QTRT2: variants seen among roughly 807,000 people sequenced by gnomAD.
QTRT2 encodes queuine tRNA-ribosyltransferase accessory subunit 2.
In QTRT2, 32 loss-of-function variants were observed where a neutral mutation model predicts 44.8. The observed-to-expected ratio is 0.71, with a 90% CI of 0.54 to 0.96. The LOEUF (loss-of-function observed/expected upper bound fraction) is 0.96, where lower values mean the gene tolerates loss of function less well. QTRT2 is among the 40% of genes least tolerant of loss of function. The pLI is 0.00. For synonymous variants in QTRT2, 182 were observed against 187.4 expected, an observed-to-expected ratio of 0.97 and a Z score of 0.24; for missense variants, 461 against 503.1, an observed-to-expected ratio of 0.92 and a Z score of 0.80.
intron 9 of QTRT2, chr3:114,083,037 T>G (rs2077187319): frequency 2.1e-6 from 1 of 469,442 alleles, no homozygotes; most frequent in African/African-American, 2.0e-5. Flanking sequence ...GACAGAAAGA[T>G]TAAACCAAAT....
chr3:114,084,211 C>T (rs1190836428), intron 9 of QTRT2, among the ~76,000 whole-genome samples: 1 of 152,032 alleles, frequency 6.6e-6, no homozygotes, highest in African/African-American at 2.4e-5. Context: ...TACAGGCATG[C>T]ACCACCATGC....
At chr3:114,057,578 GGTCT>G (rs2107779034) in intron 2 of QTRT2, 1 of 152,310 alleles carries the variant, frequency 6.6e-6, no homozygotes. Context: ...CTCTGTAACT[GGTCT>G]GTCTGAAAGG....
chr3:114,058,750 C>G (rs1024113069), intron 2 of QTRT2, among the ~76,000 whole-genome samples: 1 of 152,122 alleles, frequency 6.6e-6, no homozygotes, highest in Non-Finnish European at 1.5e-5. Context: ...TGGCTGGTCT[C>G]GAACTCCTGA....
At chr3:114,056,958 T>C (rs2107777654) in intron 1 of QTRT2, 41 bp from the exon 2 acceptor site, 1 of 1,489,290 alleles carries the variant, frequency 6.7e-7, no homozygotes, top group Admixed American at 2.3e-5. Flanking sequence ...GCAGTAACGG[T>C]GATTGTACTC....
At chr3:114,075,569 C>T (rs1007483561) in intron 6 of QTRT2, among the ~76,000 whole-genome samples, 2 of 143,070 alleles carry the variant, frequency 1.4e-5, no homozygotes, top group African/African-American at 2.6e-5. Context: ...AGTGCAGTGG[C>T]GCAATCTCCA....
intron 2 of QTRT2, among the ~76,000 whole-genome samples, chr3:114,058,980 A>T (rs1442124784): frequency 6.6e-6 from 1 of 152,236 alleles, no homozygotes; most frequent in Non-Finnish European, 1.5e-5. Flanking sequence ...ATGTGTACTT[A>T]TATATACAGC....
At chr3:114,060,466 A>G (rs1389567925) in intron 2 of QTRT2, among the ~76,000 whole-genome samples, 1 of 143,398 alleles carries the variant, frequency 7.0e-6, no homozygotes, top group Non-Finnish European at 1.5e-5. Flanking sequence ...TCCAAACCCC[A>G]GATAGATAGG....
Position 114,068,015 on chromosome 3 carries a change from C to G in QTRT2, c.285C>G (p.Ser95=). ...TGCCAGAATCACTCTTGTACTGCTC[C>G]CTGCACGATCCAGTCAGCCCCTGCC... The part of the protein sequence containing the change: ...IGMPESLLYC[S]LHDPVSPCPA... The change falls in exon 5 of 10, where the codon TCC becomes TCG. Residue 95 remains serine (S), a synonymous_variant. Transcript: ENST00000281273. The G allele has an allele frequency of 6.2e-7, 1 of 1,613,746 alleles. No homozygotes were observed. Among genetic ancestry groups the G allele is most frequent in the Non-Finnish European group, 8.5e-7 (1 of 1,179,824 alleles).
intron 4 of QTRT2, 56 bp downstream of exon 4, chr3:114,066,339 G>A (rs996931758): frequency 1.8e-5 from 18 of 1,020,390 alleles, no homozygotes; most frequent in East Asian, 7.1e-5. Flanking sequence ...GAGTTTGGAG[G>A]TGCTGTTACC....
At chr3:114,056,973 C>T in intron 1 of QTRT2, 26 bp from the exon 2 acceptor site, 17 of 1,468,586 alleles carry the variant, frequency 1.2e-5, no homozygotes, top group Non-Finnish European at 1.5e-5. Flanking sequence ...GTACTCCCGC[C>T]ATGTCTCCTC....
chr3:114,082,387 A>G (rs1331196820), intron 8 of QTRT2, among the ~76,000 whole-genome samples: 1 of 152,122 alleles, frequency 6.6e-6, no homozygotes, highest in Non-Finnish European at 1.5e-5. Context: ...CTGGCCACCA[A>G]TGTTTTTAAA....
At chr3:114,059,216 C>T (rs62267091) in intron 2 of QTRT2, among the ~76,000 whole-genome samples, 17,227 of 152,204 alleles carry the variant, frequency 0.11, 1,170 homozygotes, top group Admixed American at 0.19. Flanking sequence ...CCACTGACAG[C>T]CTGTCATTTG....
At chr3:114,066,351 C>G in intron 4 of QTRT2, 68 bp downstream of exon 4, 1 of 878,978 alleles carries the variant, frequency 1.1e-6, no homozygotes, top group East Asian at 2.4e-5. Flanking sequence ...GCTGTTACCT[C>G]TTTGATCTTT....
chr3:114,070,654 G>A lies in QTRT2; in HGVS notation c.362G>A (p.Arg121Gln), dbSNP rs781690556. Residue 121 changes from arginine to glutamine, a missense_variant, in exon 6 of 10, where the codon CGA (arginine) becomes CAA (glutamine). Coordinates refer to ENST00000281273, the MANE Select transcript of QTRT2 (RefSeq NM_024638.4). The part of the protein sequence containing the change: ...KSVSVWSVAG[R>Q]VEMTVSKFMA... Reference sequence around the variant, plus strand: ...GTGTCTGTGTGGAGTGTTGCAGGACGAGTGGAAATGACTGTTTCCAAGTTC... The same window carrying A: ...GTGTCTGTGTGGAGTGTTGCAGGACAAGTGGAAATGACTGTTTCCAAGTTC... 6 of 1,613,924 alleles carry A rather than the reference G, an allele frequency of 3.7e-6. No homozygotes were observed. Among genetic ancestry groups the A allele is most frequent in the South Asian group, 3.3e-5 (3 of 91,038 alleles).
chr3:114,058,880 A>C (rs1399537065), intron 2 of QTRT2, among the ~76,000 whole-genome samples: 1 of 152,214 alleles, frequency 6.6e-6, no homozygotes, highest in Non-Finnish European at 1.5e-5. Flanking sequence ...AATGCACCAC[A>C]TTGTTTAAAA....
At chr3:114,076,219 TGCAGTG>T (rs879664871) in intron 6 of QTRT2, among the ~76,000 whole-genome samples, 1 of 152,224 alleles carries the variant, frequency 6.6e-6, no homozygotes, top group Non-Finnish European at 1.5e-5. Context: ...CTGGATGGAA[TGCAGTG>T]GCACAGTTTC....
At chr3:114,080,641 A>C (rs569556453) in intron 8 of QTRT2, among the ~76,000 whole-genome samples, 9 of 152,362 alleles carry the variant, frequency 5.9e-5, no homozygotes, top group Admixed American at 3.3e-4. Flanking sequence ...AAAAGGAGCT[A>C]GGATACAGAC....
chr3:114,070,238 T>C (rs1337230405), intron 5 of QTRT2, among the ~76,000 whole-genome samples: 1 of 152,148 alleles, frequency 6.6e-6, no homozygotes, highest in Non-Finnish European at 1.5e-5. Context: ...GTCTCACATG[T>C]ACCCCATAAC....
At chr3:114,079,276 TCA>T (rs1326420750) in intron 7 of QTRT2, 1 of 151,988 alleles carries the variant, frequency 6.6e-6, no homozygotes, top group Non-Finnish European at 1.5e-5. Flanking sequence ...GCGTGGTGGC[TCA>T]CACCTGTAAT....
Sources: gnomAD v4.1 joint callset for allele counts (sites outside exome capture counted in the v4.1 genomes callset) on GRCh38, gnomAD v4.1.1 for gene constraint, MANE v1.5 for transcripts, NCBI Gene and HGNC (gene_info 2026-07-23, HGNC 2026-07-21) for gene names.